SEC24B: variants seen among roughly 807,000 people sequenced by gnomAD.
SEC24B encodes the protein protein transport protein Sec24B.
Under a neutral mutation model 142.8 loss-of-function variants are expected in SEC24B, and 45 were observed. The observed-to-expected ratio is 0.32, with a 90% CI of 0.25 to 0.40. The LOEUF (loss-of-function observed/expected upper bound fraction) is 0.40, where lower values mean the gene tolerates loss of function less well. Among genes scored for constraint, SEC24B ranks in the 10% least tolerant of loss-of-function variants. The pLI, the probability that SEC24B is intolerant of heterozygous loss-of-function variation, is 1.00. For synonymous variants in SEC24B, 574 were observed against 568.2 expected (o/e 1.01, Z -0.15); for missense variants, 1,409 against 1,526.8 (o/e 0.92, Z 1.29).
At chr4:109,504,147 C>T (rs1308454137) in intron 6 of SEC24B, among the ~76,000 whole-genome samples, 1 of 152,134 alleles carries the variant, frequency 6.6e-6, no homozygotes, top group Non-Finnish European at 1.5e-5. Flanking sequence ...CACTGCCTAC[C>T]ATCCCACCAC....
At chr4:109,445,322 C>T (rs1187111781) in intron 1 of SEC24B, among the ~76,000 whole-genome samples, 1 of 144,762 alleles carries the variant, frequency 6.9e-6, no homozygotes, top group African/African-American at 2.6e-5. Context: ...CGGCTCACTG[C>T]AAGCTCCGCC....
intron 19 of SEC24B, 108 bp downstream of exon 19, chr4:109,530,572 T>C (rs537246162): frequency 1.1e-6 from 1 of 904,268 alleles, no homozygotes; most frequent in South Asian, 1.8e-5. Context: ...TAGAGGATTA[T>C]TCACTTTAGC....
At chr4:109,520,572 G>T (rs1723498320) in intron 12 of SEC24B, 88 bp downstream of exon 12, 1 of 788,420 alleles carries the variant, frequency 1.3e-6, no homozygotes, top group African/African-American at 1.7e-5. Flanking sequence ...GCTATATGCT[G>T]TGAGGATAAT....
At position 109,491,248 on chromosome 4, in the gene SEC24B, T is replaced by TA. The variant is rs1734990987; in HGVS notation, c.1166-79_1166-78insA. 19 of 1,119,240 alleles carry TA rather than the reference T, an allele frequency of 1.7e-5. 1 individual carries two copies. In the South Asian group the frequency reaches 2.6e-4, roughly 16 times the overall value. 69.3% of individuals were successfully genotyped at this position (1,119,240 alleles called of 1,614,324 possible). On this transcript the variant is annotated intron_variant, in intron 4 of 23. Coordinates refer to ENST00000265175, the MANE Select transcript of SEC24B (RefSeq NM_006323.5). ...GAATTTTCCTAGTTCCGCAAAAACATCTTTTTCAAAATTGCCAAAGGCTGC... is the reference window on the plus strand; with the variant it reads ...GAATTTTCCTAGTTCCGCAAAAACATACTTTTTCAAAATTGCCAAAGGCTGC...
intron 17 of SEC24B, among the ~76,000 whole-genome samples, chr4:109,526,641 T>C (rs1317320775): frequency 5.3e-5 from 8 of 152,212 alleles, no homozygotes; most frequent in Admixed American, 5.2e-4. Context: ...TCAAAACAGT[T>C]CATGCTAAAT....
intron 4 of SEC24B, among the ~76,000 whole-genome samples, chr4:109,482,804 G>C (rs1008112698): frequency 6.7e-6 from 1 of 149,420 alleles, no homozygotes; most frequent in Non-Finnish European, 1.5e-5. Context: ...GTTAATGTTT[G>C]TATTTTTTGT....
Position 109,513,763 on chromosome 4 carries a change from G to A in SEC24B, c.1920G>A (p.Met640Ile), listed in dbSNP as rs1451327842. ...YRVNDVPEEF[M>I]YNPLTRSYGE... ...CTTATCTAGTTCCTGAAGAATTTAT[G>A]TATAACCCCCTTACCCGATCTTATG... is the stretch of plus-strand genomic sequence containing the variant. The change falls in exon 10 of 24, where the codon ATG (methionine) becomes ATA (isoleucine). Residue 640 changes from methionine (M) to isoleucine (I), a missense_variant. This residue lies in a region of SEC24B where 700 missense variants were observed against 853.3 expected (regional missense o/e 0.82). Coordinates refer to ENST00000265175, the MANE Select transcript of SEC24B (RefSeq NM_006323.5). The A allele has an allele frequency of 6.2e-7, 1 of 1,610,382 alleles. No individual in the cohort carries two copies. Among genetic ancestry groups the A allele is most frequent in the Non-Finnish European group, 8.5e-7 (1 of 1,176,886 alleles).
At chr4:109,530,668 G>A (rs910311587) in intron 19 of SEC24B, among the ~76,000 whole-genome samples, 1 of 152,010 alleles carries the variant, frequency 6.6e-6, no homozygotes, top group Non-Finnish European at 1.5e-5. Flanking sequence ...TTGGGAGGCC[G>A]AGGTGTGCGG....
chr4:109,438,186 TATA>T (rs1194337071), intron 1 of SEC24B, among the ~76,000 whole-genome samples: 1 of 152,244 alleles, frequency 6.6e-6, no homozygotes, highest in African/African-American at 2.4e-5. Flanking sequence ...GTTCACGTTG[TATA>T]ATAAGAGCCT....
chr4:109,505,687 T>C (rs1368894436), intron 6 of SEC24B, among the ~76,000 whole-genome samples: 1 of 152,186 alleles, frequency 6.6e-6, no homozygotes, highest in Non-Finnish European at 1.5e-5. Context: ...GGAGCCAAGA[T>C]TCCTTTTTAG....
At chr4:109,478,566 G>A (rs555070523) in intron 3 of SEC24B, among the ~76,000 whole-genome samples, 1 of 152,260 alleles carries the variant, frequency 6.6e-6, no homozygotes, top group South Asian at 2.1e-4. Context: ...TGTAAGTGAA[G>A]AACAGAGGTT....
rs1735000619 is a variant in SEC24B at position 109,491,349 on chromosome 4, A to G, written c.1188A>G (p.Thr396=). Residue 396 remains threonine, a synonymous_variant, in exon 5 of 24, where the codon ACA becomes ACG. Transcript: ENST00000265175. ...TAGGTGTTGACAGCTCTTCTACCAC[A>G]AGCAGTGCTTCTCCAATGCCCAACA... ...EEAGVDSSST[T]SSASPMPNSY... The G allele has an allele frequency of 6.2e-7, 1 of 1,613,528 alleles. No homozygotes were observed. Among genetic ancestry groups the G allele is most frequent in the Non-Finnish European group, 8.5e-7 (1 of 1,179,644 alleles).
At chr4:109,473,346 A>G (rs886483844) in intron 3 of SEC24B, among the ~76,000 whole-genome samples, 160 bp downstream of exon 3, 2 of 152,066 alleles carry the variant, frequency 1.3e-5, no homozygotes, top group African/African-American at 4.8e-5. Context: ...ACCATTTTGT[A>G]TTTTGCTTTT....
chr4:109,520,957 A>G (rs1196741528), intron 12 of SEC24B, among the ~76,000 whole-genome samples, 160 bp from the exon 13 acceptor site: 1 of 152,178 alleles, frequency 6.6e-6, no homozygotes, highest in Non-Finnish European at 1.5e-5. Flanking sequence ...ATGCCATTGC[A>G]CTCCAGCCTG....
intron 11 of SEC24B, among the ~76,000 whole-genome samples, chr4:109,517,027 TA>T (rs1723009547): frequency 6.6e-6 from 1 of 152,164 alleles, no homozygotes; most frequent in Admixed American, 6.6e-5. Context: ...TTGGGGAATG[TA>T]AATTAGTACA....
chr4:109,499,490 T>TTG (rs1324206775), intron 6 of SEC24B, among the ~76,000 whole-genome samples: 3 of 152,138 alleles, frequency 2.0e-5, no homozygotes, highest in Non-Finnish European at 2.9e-5. Flanking sequence ...AAAAAAATCC[T>TTG]TGTGTGTGTA....
intron 7 of SEC24B, among the ~76,000 whole-genome samples, chr4:109,508,602 C>T (rs1454731136): frequency 6.6e-6 from 1 of 151,864 alleles, no homozygotes; most frequent in Non-Finnish European, 1.5e-5. Context: ...AAATATGTTG[C>T]ATATGTATAA....
At chr4:109,528,761 A>AG (rs1724555424) in intron 18 of SEC24B, among the ~76,000 whole-genome samples, 1 of 152,242 alleles carries the variant, frequency 6.6e-6, no homozygotes, top group Non-Finnish European at 1.5e-5. Flanking sequence ...GACATGAAAC[A>AG]AGCCTTGCTA....
chr4:109,472,156 T>G (rs1184919078), intron 2 of SEC24B, among the ~76,000 whole-genome samples: 1 of 152,228 alleles, frequency 6.6e-6, no homozygotes, highest in Admixed American at 6.5e-5. Flanking sequence ...TAAGGTTGTT[T>G]ACATATATAC....
Sources: gnomAD v4.1 joint callset for allele counts (sites outside exome capture counted in the v4.1 genomes callset) on GRCh38, gnomAD v4.1.1 for gene constraint, gnomAD v4.1.1 regional missense constraint, MANE v1.5 for transcripts, NCBI Gene and HGNC (gene_info 2026-07-23, HGNC 2026-07-21) for gene names.